DYRK1A: variants seen among roughly 807,000 people sequenced by gnomAD.
DYRK1A encodes dual specificity tyrosine phosphorylation regulated kinase 1A.
Under a neutral mutation model 79.7 loss-of-function variants are expected in DYRK1A, and 9 were observed. The ratio of observed to expected loss-of-function variants is 0.11; its 90% CI spans 0.07 to 0.20. DYRK1A has a LOEUF of 0.20. Among genes scored for constraint, DYRK1A ranks in the 10% least tolerant of loss-of-function variants. The pLI, the probability that DYRK1A is intolerant of heterozygous loss-of-function variation, is 1.00. For synonymous variants in DYRK1A, 349 were observed against 329.7 expected, an observed-to-expected ratio of 1.06 and a Z score of -0.63; for missense variants, 622 against 956.0, an observed-to-expected ratio of 0.65 and a Z score of 4.61.
At chr21:37,450,378 A>C (rs1205929736) in intron 2 of DYRK1A, among the ~76,000 whole-genome samples, 2 of 152,170 alleles carry the variant, frequency 1.3e-5, no homozygotes, top group African/African-American at 4.8e-5. Flanking sequence ...TTGTGGTATA[A>C]GATGGGAGGC....
chr21:37,445,783 T>G (rs2051250014), intron 2 of DYRK1A, among the ~76,000 whole-genome samples: 1 of 152,164 alleles, frequency 6.6e-6, no homozygotes, highest in Admixed American at 6.5e-5. Context: ...AGTAGTCATT[T>G]GTAATCAGAT....
Position 37,369,471 on chromosome 21 carries a change from T to C in DYRK1A, c.-77+1843T>C, listed in dbSNP as rs987823332. Among the ~76,000 whole-genome samples the C allele has an allele frequency of 9.2e-5, 14 of 152,356 alleles. No individual in the cohort carries two copies. In the South Asian group the frequency reaches 1.0e-3, roughly 11 times the overall value. ...CAGTACTTTGGAGGATTTTCCCTGGTATAGCAGTGGTGTTTATGGTAGCTG... is the reference window on the plus strand; with the variant it reads ...CAGTACTTTGGAGGATTTTCCCTGGCATAGCAGTGGTGTTTATGGTAGCTG... On this transcript the variant is annotated intron_variant, in intron 1 of 11. Transcript: ENST00000647188.
intron 1 of DYRK1A, among the ~76,000 whole-genome samples, chr21:37,371,472 A>G (rs1291155510): frequency 6.6e-6 from 1 of 152,222 alleles, no homozygotes; most frequent in Non-Finnish European, 1.5e-5. Context: ...TATTGGTGAT[A>G]ATACCCTACG....
chr21:37,400,355 T>G (rs2050030804), intron 1 of DYRK1A, among the ~76,000 whole-genome samples: 1 of 152,172 alleles, frequency 6.6e-6, no homozygotes. Flanking sequence ...ATTTATAGGT[T>G]TCACAGTGTA....
chr21:37,525,818 G>A lies in DYRK1A; in HGVS notation c.*13287G>A, dbSNP rs1188556423. 1 of 152,102 alleles carries A rather than the reference G, an allele frequency of 6.6e-6. No homozygotes were observed. The highest frequency in any genetic ancestry group is 2.4e-5 in the African/African-American group (1 of 41,416). 9.4% of individuals were successfully genotyped at this position (152,102 alleles called of 1,614,324 possible). ...ATGGCCTGTAATACAGCAGTTCAAT[G>A]GTTTAGTAGTGGTAAAGTTTCATTT... On this transcript the variant is annotated 3_prime_UTR_variant, in exon 12 of 12. Transcript: ENST00000647188.
At chr21:37,470,671 CT>C (rs2052191999) in intron 2 of DYRK1A, among the ~76,000 whole-genome samples, 1 of 151,982 alleles carries the variant, frequency 6.6e-6, no homozygotes, top group Non-Finnish European at 1.5e-5. Flanking sequence ...CTACCTTTTT[CT>C]TTTTAATGTT....
At chr21:37,382,489 G>A (rs536883041) in intron 1 of DYRK1A, among the ~76,000 whole-genome samples, 1,545 of 152,220 alleles carry the variant, frequency 0.01, 23 homozygotes, top group African/African-American at 0.034. Flanking sequence ...TGGTAGCACC[G>A]TTTTAAACTA....
chr21:37,484,628 G>A (rs1245529176), intron 5 of DYRK1A, among the ~76,000 whole-genome samples: 2 of 152,124 alleles, frequency 1.3e-5, no homozygotes, highest in Admixed American at 6.6e-5. Context: ...GCTGTACAGG[G>A]CCTAATAGCT....
At chr21:37,494,384 TC>T (rs2053194964) in intron 8 of DYRK1A, among the ~76,000 whole-genome samples, 2 of 152,150 alleles carry the variant, frequency 1.3e-5, no homozygotes, top group South Asian at 4.1e-4. Context: ...GATTCCTACT[TC>T]CTCTGATGCC....
chr21:37,473,792 A>G (rs958060899), intron 3 of DYRK1A, among the ~76,000 whole-genome samples: 1 of 148,216 alleles, frequency 6.7e-6, no homozygotes, highest in African/African-American at 2.6e-5. Context: ...GTTAACATTC[A>G]CAGTTAAATC....
intron 1 of DYRK1A, among the ~76,000 whole-genome samples, chr21:37,380,947 A>G (rs150227790): frequency 2.0e-4 from 31 of 152,230 alleles, no homozygotes; most frequent in African/African-American, 6.5e-4. Flanking sequence ...CAGCTCTTCT[A>G]TCCCTTCTAT....
At chr21:37,452,889 C>T (rs111823231) in intron 2 of DYRK1A, among the ~76,000 whole-genome samples, 1 of 151,926 alleles carries the variant, frequency 6.6e-6, no homozygotes, top group Non-Finnish European at 1.5e-5. Flanking sequence ...TGGAACAGCA[C>T]TGCCAATAGA....
At chr21:37,380,656 A>G (rs559341614) in intron 1 of DYRK1A, among the ~76,000 whole-genome samples, 1 of 152,170 alleles carries the variant, frequency 6.6e-6, no homozygotes, top group Non-Finnish European at 1.5e-5. Context: ...AAGAATAAGG[A>G]AAGTTCACTT....
At chr21:37,376,496 A>G (rs1054480247) in intron 1 of DYRK1A, among the ~76,000 whole-genome samples, 1 of 150,576 alleles carries the variant, frequency 6.6e-6, no homozygotes, top group African/African-American at 2.4e-5. Flanking sequence ...CTTCGTCTCA[A>G]TTTTTTTTTT....
rs1344521136 is a variant in DYRK1A at position 37,512,456 on chromosome 21, G to C, written c.2190G>C (p.Met730Ile). ...ACATGACTGAAGGACATCTGACAAT[G>C]AGGCAAGGGGCTGATAGAGAAGAGT... ...AHYMTEGHLT[M>I]RQGADREESP... Residue 730 changes from methionine (M) to isoleucine (I), a missense_variant, in exon 12 of 12, where the codon ATG becomes ATC. Transcript: ENST00000647188. The C allele has an allele frequency of 5.6e-6, 9 of 1,614,130 alleles. No individual in the cohort carries two copies. The highest frequency in any genetic ancestry group is 7.6e-6 in the Non-Finnish European group (9 of 1,180,054).
intron 1 of DYRK1A, among the ~76,000 whole-genome samples, chr21:37,369,988 AAAC>A (rs1024120016): frequency 8.5e-5 from 13 of 152,206 alleles, no homozygotes; most frequent in African/African-American, 3.1e-4. Context: ...TGGACAGTAA[AAAC>A]GACCATTTGT....
At chr21:37,445,366 A>T (rs567426940) in intron 2 of DYRK1A, among the ~76,000 whole-genome samples, 7 of 152,328 alleles carry the variant, frequency 4.6e-5, no homozygotes, top group African/African-American at 1.7e-4. Context: ...GTTTAAGATG[A>T]TGAGGAATGT....
At chr21:37,405,615 A>C (rs2050133151) in intron 1 of DYRK1A, among the ~76,000 whole-genome samples, 1 of 152,210 alleles carries the variant, frequency 6.6e-6, no homozygotes. Flanking sequence ...TTACAGATAC[A>C]AAGACTACAA....
intron 1 of DYRK1A, among the ~76,000 whole-genome samples, chr21:37,401,913 T>C (rs1602410822): frequency 6.6e-6 from 1 of 152,328 alleles, no homozygotes; most frequent in East Asian, 1.9e-4. Context: ...TTGAGGGATA[T>C]ACACATTACA....
Sources: gnomAD v4.1 joint callset for allele counts (sites outside exome capture counted in the v4.1 genomes callset) on GRCh38, gnomAD v4.1.1 for gene constraint, MANE v1.5 for transcripts, NCBI Gene and HGNC (gene_info 2026-07-23, HGNC 2026-07-21) for gene names.